The following CLSTN3 variants were observed in gnomAD, a reference collection of about 807,000 sequenced individuals.
CLSTN3 encodes calsyntenin 3.
A neutral mutation model predicts 95.9 loss-of-function variants in CLSTN3; 36 were observed. The ratio of observed to expected loss-of-function variants is 0.38; its 90% confidence interval spans 0.29 to 0.50. The LOEUF (loss-of-function observed/expected upper bound fraction) is 0.50. Among genes scored for constraint, CLSTN3 ranks in the 20% least tolerant of loss-of-function variants. The probability of loss-of-function intolerance (pLI) is 0.95; values close to 1 mark genes in which losing one functional copy is unlikely to be tolerated. For missense variants in CLSTN3, 1,084 were observed against 1,268.8 expected, an observed-to-expected ratio of 0.85 and a Z score of 2.21; for synonymous variants, 481 against 504.0, an observed-to-expected ratio of 0.95 and a Z score of 0.61.
In CLSTN3 at chr12:7,135,792, A is replaced by G. The variant is rs1308258334; in HGVS notation, c.593-12A>G. 6.3e-7 allele frequency: 1 copy of G among 1,594,292 alleles called. No homozygotes were observed. The highest frequency in any genetic ancestry group is 2.2e-5 in the East Asian group (1 of 44,664). On this transcript the variant is annotated splice_polypyrimidine_tract_variant and intron_variant, in intron 4 of 17. Transcript: ENST00000266546. ...AATGCTCTAATGCTCTGTCCTCCTG[A>G]CCCCACCCCAGGGAACATTGAGAAC...
In CLSTN3 at chr12:7,149,289, A is replaced by T. The variant is rs1939680956; in HGVS notation, c.2074+91A>T. ...GAGAACTCCTGGGGCTGGAAGCAGA[A>T]AGCGACTCCATCCTGTGTTTGTTTG... On this transcript the variant is annotated intron_variant, in intron 13 of 17. Coordinates refer to ENST00000266546, the MANE Select transcript of CLSTN3 (RefSeq NM_014718.4). The surrounding 1 kb of genome is among the most constrained non-coding windows in gnomAD (Gnocchi z 4.5). The T allele has an allele frequency of 8.8e-7, 1 of 1,141,786 alleles. No individual in the cohort carries two copies. 70.7% of individuals were successfully genotyped at this position (1,141,786 alleles called of 1,614,324 possible).
intron 1 of CLSTN3, chr12:7,131,744 C>CTCCTCCTA: frequency 2.2e-6 from 1 of 455,156 alleles, no homozygotes; most frequent in Non-Finnish European, 4.4e-6. Flanking sequence ...ACCTCAGCCT[C>CTCCTCCTA]GCCTCCTAGC....
Position 7,137,827 on chromosome 12 carries a change from GA to G in CLSTN3, c.1211-123del. The G allele has an allele frequency of 4.4e-6, 2 of 451,118 alleles. No individual in the cohort carries two copies. The highest frequency in any genetic ancestry group is 8.1e-6 in the Non-Finnish European group (2 of 247,244). The allele number at this position is 451,118 out of a possible 1,614,324, so 27.9% of individuals were successfully genotyped here. On this transcript the variant is annotated intron_variant, in intron 7 of 17. Transcript: ENST00000266546. This position sits in a 1 kb window ranked among gnomAD's most constrained non-coding sequence, Gnocchi z 4.4. Reference sequence around the variant, plus strand: ...GAGAGAGAGAGAGAGAGAGAGGAAAGAAAAATGCTAGAGAACGAGGGAATGA... The same window carrying G: ...GAGAGAGAGAGAGAGAGAGAGGAAAGAAAATGCTAGAGAACGAGGGAATGA...
rs1052407919 is a variant in CLSTN3 at position 7,149,780 on chromosome 12, C to T, written c.2245+87C>T. 3.1e-6 allele frequency: 4 copies of T among 1,297,282 alleles called. No individual in the cohort carries two copies. Among genetic ancestry groups the T allele is most frequent in the Non-Finnish European group, 4.3e-6 (4 of 938,146 alleles). 80.4% of individuals were successfully genotyped at this position (1,297,282 alleles called of 1,614,324 possible). On this transcript the variant is annotated intron_variant, in intron 14 of 17. Coordinates refer to ENST00000266546, the MANE Select transcript of CLSTN3 (RefSeq NM_014718.4). The surrounding 1 kb of genome is among the most constrained non-coding windows in gnomAD (Gnocchi z 4.5). ...TAGGAAGCCCAGAGGGTCCTCCTTCCAGGTCCAGGGATGTGGACAAGTGCC... is the reference window on the plus strand; with the variant it reads ...TAGGAAGCCCAGAGGGTCCTCCTTCTAGGTCCAGGGATGTGGACAAGTGCC...
rs748464929 is a variant in CLSTN3, at chr12:7,148,949, G to C, written c.1848-23G>C. 1.9e-6 allele frequency: 3 copies of C among 1,604,444 alleles called. No homozygotes were observed. In the South Asian group the frequency reaches 3.3e-5, roughly 18 times the overall value. ...GGAGGAAGTGTTGGGGTCACATGCT[G>C]CTTCTCCTGCTTTCTTACATAGGTG... On this transcript the variant is annotated intron_variant, in intron 12 of 17. Transcript: ENST00000266546.
chr12:7,149,538 T>C lies in CLSTN3; in HGVS notation c.2090T>C (p.Met697Thr), dbSNP rs769695132. ...SWQGTVTDTRMSDEIVHNLDG... is the reference protein window; with the variant it reads ...SWQGTVTDTRTSDEIVHNLDG... Reference sequence around the variant, plus strand: ...CCCAACCCAGTGACAGACACACGCATGTCGGATGAGATTGTGCACAACCTG... The same window carrying C: ...CCCAACCCAGTGACAGACACACGCACGTCGGATGAGATTGTGCACAACCTG... Residue 697 changes from methionine to threonine, a missense_variant, in exon 14 of 18, where the codon ATG (methionine) becomes ACG (threonine). Transcript: ENST00000266546. The surrounding 1 kb of genome is among the most constrained non-coding windows in gnomAD (Gnocchi z 4.5). 1.2e-6 allele frequency: 2 copies of C among 1,613,442 alleles called. No homozygotes were observed. Among genetic ancestry groups the C allele is most frequent in the South Asian group, 1.1e-5 (1 of 90,958 alleles).
Position 7,136,915 on chromosome 12 carries a change from G to C in CLSTN3, c.1015G>C (p.Asp339His). 1 of 1,614,148 alleles carries C rather than the reference G, an allele frequency of 6.2e-7. No individual in the cohort carries two copies. ...AGGACTCTCGGTGCACTACAGCCAG[G>C]ACAGCAGCCTGATCTACTGGTTCAA... is the stretch of plus-strand genomic sequence containing the variant. ...TAGLSVHYSQ[D>H]SSLIYWFNGT... Residue 339 changes from aspartate to histidine, a missense_variant, in exon 7 of 18, where the codon GAC becomes CAC. Asp to His is a moderately conservative substitution (Grantham distance 81). Transcript: ENST00000266546.
At chr12:7,139,076 T>A (rs182066805) in intron 8 of CLSTN3, among the ~76,000 whole-genome samples, 6 of 152,202 alleles carry the variant, frequency 3.9e-5, no homozygotes, top group Admixed American at 3.9e-4. Context: ...TAAATACAAC[T>A]AAGTCTCTGT....
chr12:7,153,178 CAG>C (rs1165672754), intron 16 of CLSTN3, among the ~76,000 whole-genome samples: 1 of 152,122 alleles, frequency 6.6e-6, no homozygotes, highest in Non-Finnish European at 1.5e-5. Flanking sequence ...GAGGGAGAGA[CAG>C]GGTCTTGTTC....
In CLSTN3 at chr12:7,133,254, G is replaced by A; in HGVS notation, c.187+108G>A. 6.9e-7 allele frequency: 1 copy of A among 1,446,888 alleles called. No homozygotes were observed. The highest frequency in any genetic ancestry group is 9.4e-7 in the Non-Finnish European group (1 of 1,060,770). 89.6% of individuals were successfully genotyped at this position (1,446,888 alleles called of 1,614,324 possible). ...GTCCTGGGAGTGATGAGAAAGTAAG[G>A]GAAGATAAAAGTGGGCTCAAGGAGG... On this transcript the variant is annotated intron_variant, in intron 2 of 17. Coordinates refer to ENST00000266546, the MANE Select transcript of CLSTN3 (RefSeq NM_014718.4). The surrounding 1 kb of genome is among the most constrained non-coding windows in gnomAD (Gnocchi z 4.7).
Position 7,137,049 on chromosome 12 carries a change from C to G in CLSTN3, c.1149C>G (p.Gly383=), listed in dbSNP as rs761139498. 5.0e-6 allele frequency: 8 copies of G among 1,614,114 alleles called. No individual in the cohort carries two copies. The highest frequency in any genetic ancestry group is 1.7e-5 in the Admixed American group (1 of 60,022). Residue 383 remains glycine, a synonymous_variant, in exon 7 of 18, where the codon GGC becomes GGG. Coordinates refer to ENST00000266546, the MANE Select transcript of CLSTN3 (RefSeq NM_014718.4). This position sits in a 1 kb window ranked among gnomAD's most constrained non-coding sequence, Gnocchi z 4.4. ...CCCTGTCCTTCTGGATGAAGCATGGCGTAACTCCCAACAAGGGCAAGAAGG... is the reference window on the plus strand; with the variant it reads ...CCCTGTCCTTCTGGATGAAGCATGGGGTAACTCCCAACAAGGGCAAGAAGG... The part of the protein sequence containing the change: ...HFTLSFWMKH[G]VTPNKGKKEE...
Position 7,149,347 on chromosome 12 carries a change from G to A in CLSTN3, c.2074+149G>A. On this transcript the variant is annotated intron_variant, in intron 13 of 17. Coordinates refer to ENST00000266546, the MANE Select transcript of CLSTN3 (RefSeq NM_014718.4). This position sits in a 1 kb window ranked among gnomAD's most constrained non-coding sequence, Gnocchi z 4.5. ...AACTTACCTTTAAGAAGGAGAGCAA[G>A]TGGAAAACACGTGGGTGGAAATGAA... 1 of 924,708 alleles carries A rather than the reference G, an allele frequency of 1.1e-6. No individual in the cohort carries two copies. The highest frequency in any genetic ancestry group is 1.6e-6 in the Non-Finnish European group (1 of 608,572). The allele number at this position is 924,708 out of a possible 1,614,324, so 57.3% of individuals were successfully genotyped here.
At chr12:7,131,039 G>C in intron 1 of CLSTN3, 1 of 472,034 alleles carries the variant, frequency 2.1e-6, no homozygotes, top group South Asian at 2.1e-5. Context: ...GGTCTGGGAA[G>C]GACTGCCCCC....
At chr12:7,143,433 G>A in intron 12 of CLSTN3, 122 bp downstream of exon 12, 2 of 1,104,422 alleles carry the variant, frequency 1.8e-6, no homozygotes, top group Non-Finnish European at 1.3e-6. Context: ...AGGAGATTGG[G>A]CCCTCAAATG....
At position 7,138,001 on chromosome 12, in the gene CLSTN3, T is replaced by G. The variant is rs1439876952; in HGVS notation, c.1257T>G (p.Ile419Met). 5 of 1,613,884 alleles carry G rather than the reference T, an allele frequency of 3.1e-6. No homozygotes were observed. Residue 419 changes from isoleucine to methionine, a missense_variant, in exon 8 of 18, where the codon ATT (isoleucine) becomes ATG (methionine). Coordinates refer to ENST00000266546, the MANE Select transcript of CLSTN3 (RefSeq NM_014718.4). The part of the protein sequence containing the change: ...HYSLTVHGCR[I>M]AFLYWPLLES... ...CGCTGACTGTCCACGGCTGTAGGAT[T>G]GCCTTCCTCTACTGGCCCCTGCTTG...
chr12:7,142,471 T>A (rs902379016), intron 10 of CLSTN3, among the ~76,000 whole-genome samples: 1 of 152,006 alleles, frequency 6.6e-6, no homozygotes, highest in African/African-American at 2.4e-5. Flanking sequence ...CTCACATCCA[T>A]CCTGGTCTCC....
intron 16 of CLSTN3, chr12:7,156,487 A>T (rs910794024): frequency 2.2e-6 from 1 of 456,750 alleles, no homozygotes; most frequent in African/African-American, 2.0e-5. Context: ...TGCTGCACAT[A>T]TGGCTCTACC....
chr12:7,149,323 A>C lies in CLSTN3; in HGVS notation c.2074+125A>C. The C allele has an allele frequency of 1.0e-6, 1 of 974,204 alleles. No homozygotes were observed. The highest frequency in any genetic ancestry group is 1.6e-5 in the South Asian group (1 of 62,906). 60.3% of individuals were successfully genotyped at this position (974,204 alleles called of 1,614,324 possible). ...CATCCTGTGTTTGTTTGACTGAACA[A>C]CTTACCTTTAAGAAGGAGAGCAAGT... On this transcript the variant is annotated intron_variant, in intron 13 of 17. Coordinates refer to ENST00000266546, the MANE Select transcript of CLSTN3 (RefSeq NM_014718.4). This position sits in a 1 kb window ranked among gnomAD's most constrained non-coding sequence, Gnocchi z 4.5.
chr12:7,132,710 A>G (rs1591612830), intron 1 of CLSTN3: 1 of 582,878 alleles, frequency 1.7e-6, no homozygotes, highest in East Asian at 2.8e-5. Flanking sequence ...TGAAATCGCT[A>G]AAGAACATTC....
Sources: gnomAD v4.1 joint callset for allele counts (sites outside exome capture counted in the v4.1 genomes callset) on GRCh38, gnomAD v4.1.1 for gene constraint, Gnocchi (gnomAD v3.1) non-coding constraint, MANE v1.5 for transcripts, NCBI Gene and HGNC (gene_info 2026-07-23, HGNC 2026-07-21) for gene names.